Variants in HSD17B14 observed in about 807,000 individuals in gnomAD.
HSD17B14 encodes hydroxysteroid 17-beta dehydrogenase 14.
HSD17B14 carries 32 observed loss-of-function variants against 32.2 expected under a neutral mutation model. The observed-to-expected ratio is 0.99, with a 90% CI of 0.75 to 1.33. The LOEUF is 1.33. Among genes scored for constraint, HSD17B14 ranks in the 40% most tolerant of loss-of-function variants. The probability of loss-of-function intolerance (pLI) is 0.00; values close to 1 mark genes in which losing one functional copy is unlikely to be tolerated. For synonymous variants in HSD17B14, 140 were observed against 155.4 expected, an observed-to-expected ratio of 0.90 and a Z score of 0.74; for missense variants, 370 against 366.5, an observed-to-expected ratio of 1.01 and a Z score of -0.08.
At chr19:48,823,554 T>C (rs1281094477) in intron 5 of HSD17B14, among the ~76,000 whole-genome samples, 2 of 152,094 alleles carry the variant, frequency 1.3e-5, no homozygotes, top group Non-Finnish European at 2.9e-5. Context: ...CACATATATA[T>C]GGTGTACAAA....
intron 5 of HSD17B14, among the ~76,000 whole-genome samples, chr19:48,817,997 A>C (rs2035084651): frequency 6.6e-6 from 1 of 152,094 alleles, no homozygotes; most frequent in African/African-American, 2.4e-5. Flanking sequence ...AACAAACAAC[A>C]ATTTCTCACA....
chr19:48,825,452 T>C (rs1599836350), intron 5 of HSD17B14, among the ~76,000 whole-genome samples: 1 of 151,924 alleles, frequency 6.6e-6, no homozygotes, highest in Non-Finnish European at 1.5e-5. Flanking sequence ...CGACTACAGA[T>C]GTGTGCCACC....
intron 6 of HSD17B14, among the ~76,000 whole-genome samples, chr19:48,814,823 A>G (rs2035022535): frequency 6.7e-6 from 1 of 149,754 alleles, no homozygotes; most frequent in South Asian, 2.1e-4. Flanking sequence ...CTGGTGACAG[A>G]GCGAGACTCC....
intron 4 of HSD17B14, among the ~76,000 whole-genome samples, chr19:48,832,152 G>A (rs527831916): frequency 1.3e-5 from 2 of 150,282 alleles, no homozygotes; most frequent in East Asian, 2.0e-4. Context: ...GGCCGAGGTG[G>A]GCAGATCATC....
chr19:48,834,222 A>G lies in HSD17B14; in HGVS notation c.210+54T>C, dbSNP rs570462267. On this transcript the variant is annotated intron_variant, in intron 3 of 8. Coordinates refer to ENST00000263278, the MANE Select transcript of HSD17B14 (RefSeq NM_016246.3). ...AGGCATATGCAAATGGCTGGAGGAG[A>G]ACAAAGAACTGGTCATTAGCGGAGA... The G allele has an allele frequency of 5.6e-6, 8 of 1,431,286 alleles. No individual in the cohort carries two copies. In the African/African-American group the frequency reaches 8.4e-5, roughly 15 times the overall value. 88.7% of individuals were successfully genotyped at this position (1,431,286 alleles called of 1,614,324 possible).
In HSD17B14 at chr19:48,836,330, C is replaced by T. The variant is rs770842101; in HGVS notation, c.82G>A (p.Ala28Thr). ...GRGIGAGIVR[A>T]FVNSGARVVI... ...GCAGTCAGACCCGGCTCACCGAAGG[C>T]GCGCACGATCCCAGCTCCGATGCCG... The change falls in exon 1 of 9, where the codon GCC (alanine) becomes ACC (threonine). Residue 28 changes from alanine (A) to threonine (T), a missense_variant. Physicochemically the swap from Ala to Thr is moderately conservative, Grantham distance 58. Coordinates refer to ENST00000263278, the MANE Select transcript of HSD17B14 (RefSeq NM_016246.3). The T allele has an allele frequency of 1.2e-6, 2 of 1,613,768 alleles. No individual in the cohort carries two copies. The highest frequency in any genetic ancestry group is 1.7e-5 in the Admixed American group (1 of 59,938).
At chr19:48,828,491 C>T (rs1251109441) in intron 5 of HSD17B14, among the ~76,000 whole-genome samples, 1 of 151,882 alleles carries the variant, frequency 6.6e-6, no homozygotes, top group Non-Finnish European at 1.5e-5. Context: ...AGTGGTGCAC[C>T]CCTGTGGTCC....
chr19:48,834,321 T>C lies in HSD17B14; in HGVS notation c.165A>G (p.Gly55=). 1 of 1,614,022 alleles carries C rather than the reference T, an allele frequency of 6.2e-7. No individual in the cohort carries two copies. Among genetic ancestry groups the C allele is most frequent in the South Asian group, 1.1e-5 (1 of 91,080 alleles). The stretch of plus-strand genomic sequence containing the variant: ...TCACATCACAGAGGATAAAGACAGC[T>C]CCAGGGAGCTCCTGCTCCAGGGCCC... ...GGRALEQELP[G]AVFILCDVTQ... The change falls in exon 3 of 9, where the codon GGA becomes GGG. Residue 55 remains glycine, a synonymous_variant. Coordinates refer to ENST00000263278, the MANE Select transcript of HSD17B14 (RefSeq NM_016246.3).
At position 48,831,751 on chromosome 19, in the gene HSD17B14, G is replaced by T; in HGVS notation, c.286C>A (p.Pro96Thr). Residue 96 changes from proline (P) to threonine (T), a missense_variant, in exon 5 of 9, where the codon CCA becomes ACA. Physicochemically the swap from Pro to Thr is conservative, Grantham distance 38 (BLOSUM62 -1). Coordinates refer to ENST00000263278, the MANE Select transcript of HSD17B14 (RefSeq NM_016246.3). ...VVNNAGHHPPPQRPEETSAQG... is the reference protein window; with the variant it reads ...VVNNAGHHPPTQRPEETSAQG... Reference sequence around the variant, plus strand: ...GCAGAGGTCTCCTCAGGCCTCTGTGGGGGTGGGTCTAAAGTGGGGGGTGAG... The same window carrying T: ...GCAGAGGTCTCCTCAGGCCTCTGTGTGGGTGGGTCTAAAGTGGGGGGTGAG... 1 of 1,610,602 alleles carries T rather than the reference G, an allele frequency of 6.2e-7. No individual in the cohort carries two copies. Among genetic ancestry groups the T allele is most frequent in the Non-Finnish European group, 8.5e-7 (1 of 1,177,450 alleles).
At position 48,824,493 on chromosome 19, in the gene HSD17B14, G is replaced by A. The variant is rs376678606; in HGVS notation, c.369+7175C>T. 9.9e-5 allele frequency among the ~76,000 whole-genome samples: 15 copies of A among 151,242 alleles called. No homozygotes were observed. In the East Asian group the frequency reaches 1.6e-3, roughly 16 times the overall value. On this transcript the variant is annotated intron_variant, in intron 5 of 8. Transcript: ENST00000263278. ...GAAAGAGAGAAAGAAAGAAAGGGCCGGGCGCAGTGGCTCACACCTGTAATC... is the reference window on the plus strand; with the variant it reads ...GAAAGAGAGAAAGAAAGAAAGGGCCAGGCGCAGTGGCTCACACCTGTAATC...
chr19:48,820,995 C>T (rs1400111927), intron 5 of HSD17B14, among the ~76,000 whole-genome samples: 2 of 150,700 alleles, frequency 1.3e-5, no homozygotes, highest in Non-Finnish European at 2.9e-5. Context: ...AGCCACCCCA[C>T]CCAGCCAGGA....
Position 48,835,925 on chromosome 19 carries a change from C to T in HSD17B14, c.89-82G>A. ...CCTCTTGTGGCCACCTGGATTGGGG[C>T]TGATCTCCCTCTCCCCTCGTGACCC... On this transcript the variant is annotated intron_variant, in intron 1 of 8. Transcript: ENST00000263278. 4 of 1,272,410 alleles carry T rather than the reference C, an allele frequency of 3.1e-6. No individual in the cohort carries two copies. The Admixed American group carries it at 5.3e-5, about 17-fold the overall frequency. The allele number at this position is 1,272,410 out of a possible 1,614,324, so 78.8% of individuals were successfully genotyped here. A position where few individuals can be genotyped will look rare whatever the true frequency, so the allele number is the denominator to read the frequency against.
At chr19:48,826,525 G>GAAAAAAAAA (rs1418028808) in intron 5 of HSD17B14, among the ~76,000 whole-genome samples, 18 of 5,150 alleles carry the variant, frequency 3.5e-3, no homozygotes, top group African/African-American at 4.5e-3. Flanking sequence ...AAGAAAAGAA[G>GAAAAAAAAA]AAAATATATA....
At chr19:48,819,385 T>TA (rs1437937762) in intron 5 of HSD17B14, among the ~76,000 whole-genome samples, 1 of 152,184 alleles carries the variant, frequency 6.6e-6, no homozygotes, top group Non-Finnish European at 1.5e-5. Flanking sequence ...TATGATCTGT[T>TA]AATAATACTA....
intron 5 of HSD17B14, among the ~76,000 whole-genome samples, chr19:48,815,485 G>T (rs2035036163): frequency 6.6e-6 from 1 of 152,112 alleles, no homozygotes; most frequent in Non-Finnish European, 1.5e-5. Context: ...AAATGGATGA[G>T]AGATCCAGAA....
chr19:48,822,972 G>A (rs146046189), intron 5 of HSD17B14, among the ~76,000 whole-genome samples: 382 of 152,206 alleles, frequency 2.5e-3, no homozygotes, highest in African/African-American at 8.8e-3. Context: ...AGCGACACAA[G>A]TGTTCACAAG....
At chr19:48,821,863 G>C (rs1194499678) in intron 5 of HSD17B14, among the ~76,000 whole-genome samples, 2 of 152,008 alleles carry the variant, frequency 1.3e-5, no homozygotes, top group Non-Finnish European at 2.9e-5. Context: ...TGATGATAAT[G>C]ATAGTGATGA....
intron 3 of HSD17B14, among the ~76,000 whole-genome samples, chr19:48,833,106 C>G (rs1211291619): frequency 1.3e-5 from 2 of 151,582 alleles, no homozygotes; most frequent in Non-Finnish European, 2.9e-5. Context: ...GAAGACAGGG[C>G]TCCCAAATGC....
At chr19:48,834,095 A>G (rs1235050213) in intron 3 of HSD17B14, among the ~76,000 whole-genome samples, 181 bp downstream of exon 3, 6 of 152,196 alleles carry the variant, frequency 3.9e-5, no homozygotes, top group Non-Finnish European at 8.8e-5. Context: ...GGAACATGTG[A>G]CCTGCCCATC....
Sources: allele counts gnomAD v4.1 joint callset (sites outside exome capture counted in the v4.1 genomes callset), GRCh38; gene constraint gnomAD v4.1.1; transcripts MANE v1.5; gene names NCBI Gene and HGNC (gene_info 2026-07-23, HGNC 2026-07-21).